SLC26A3: variants seen among roughly 807,000 people sequenced by gnomAD.
The protein encoded by SLC26A3 is chloride anion exchanger.
SLC26A3 carries 64 observed loss-of-function variants against 85.6 expected under a neutral mutation model. The observed-to-expected ratio is 0.75, with a 90% CI of 0.61 to 0.92. The LOEUF is 0.92. Among genes scored for constraint, SLC26A3 ranks in the 40% least tolerant of loss-of-function variants. The pLI is 0.00. For missense variants in SLC26A3, 922 were observed against 927.3 expected (o/e 0.99, Z 0.07); for synonymous variants, 349 against 336.0 (o/e 1.04, Z -0.42).
intron 20 of SLC26A3, among the ~76,000 whole-genome samples, chr7:107,766,098 T>C (rs1584398263): frequency 6.6e-6 from 1 of 152,298 alleles, no homozygotes. Flanking sequence ...GTACAGTGTG[T>C]TGTAGCAATA....
chr7:107,772,336 C>A (rs1794041913), intron 17 of SLC26A3, among the ~76,000 whole-genome samples: 1 of 152,160 alleles, frequency 6.6e-6, no homozygotes, highest in African/African-American at 2.4e-5. Context: ...TAAAAATGAT[C>A]ATTCTTGAAG....
intron 14 of SLC26A3, 32 bp from the exon 15 acceptor site, chr7:107,776,576 C>A (rs774336741): frequency 1.5e-5 from 24 of 1,606,386 alleles, no homozygotes; most frequent in Non-Finnish European, 1.9e-5. Context: ...TTAGGTGTTG[C>A]CCATTAGATC....
At position 107,778,177 on chromosome 7, in the gene SLC26A3, T is replaced by C. The variant is rs199870537; in HGVS notation, c.1512A>G (p.Gln504=). The change falls in exon 13 of 21, where the codon CAA becomes CAG. Residue 504 remains glutamine, a splice_region_variant and synonymous_variant. Coordinates refer to ENST00000340010, the MANE Select transcript of SLC26A3 (RefSeq NM_000111.3). The stretch of plus-strand genomic sequence containing the variant: ...TGCAGAGCACTTTGAGCACTCACAA[T>C]TGGGTCCTGAACACGATGGTTAGCA... The part of the protein sequence containing the change: ...FQLLTIVFRT[Q]FPKCSTLANI... 3.1e-6 allele frequency: 5 copies of C among 1,610,068 alleles called. No homozygotes were observed. The highest frequency in any genetic ancestry group is 1.7e-5 in the Admixed American group (1 of 59,978).
intron 18 of SLC26A3, among the ~76,000 whole-genome samples, chr7:107,770,591 T>G (rs980190450): frequency 5.3e-5 from 8 of 152,162 alleles, no homozygotes; most frequent in Non-Finnish European, 8.8e-5. Flanking sequence ...TCTTAGCACT[T>G]ATCACTACCT....
At chr7:107,790,980 A>C in intron 5 of SLC26A3, 68 bp downstream of exon 5, 1 of 1,529,506 alleles carries the variant, frequency 6.5e-7, no homozygotes, top group Non-Finnish European at 8.9e-7. Flanking sequence ...GGGGAGGAAA[A>C]ATAGAGAGAT....
intron 1 of SLC26A3, among the ~76,000 whole-genome samples, chr7:107,802,052 A>T (rs1794608454): frequency 6.6e-6 from 1 of 150,618 alleles, no homozygotes; most frequent in East Asian, 1.9e-4. Flanking sequence ...AGATTGTGCC[A>T]CTGCACTCCA....
intron 3 of SLC26A3, among the ~76,000 whole-genome samples, chr7:107,792,488 C>G (rs546856395): frequency 6.6e-6 from 1 of 151,820 alleles, no homozygotes; most frequent in South Asian, 2.1e-4. Context: ...AGATCCCTTG[C>G]GTGCACAGTT....
chr7:107,772,814 G>T (rs955482424), intron 17 of SLC26A3, among the ~76,000 whole-genome samples: 4 of 151,988 alleles, frequency 2.6e-5, no homozygotes, highest in Non-Finnish European at 5.9e-5. Context: ...GTAATCAAAA[G>T]CTAAAATAAA....
intron 11 of SLC26A3, 147 bp from the exon 12 acceptor site, chr7:107,779,910 G>T (rs889666655): frequency 1.4e-6 from 1 of 707,902 alleles, no homozygotes; most frequent in South Asian, 1.5e-5. Flanking sequence ...GCGATGCCAC[G>T]CAAGACACAC....
chr7:107,769,982 T>C (rs2395889), intron 18 of SLC26A3, among the ~76,000 whole-genome samples: 28,724 of 145,144 alleles, frequency 0.2, 3,178 homozygotes, highest in East Asian at 0.34. Context: ...CCTCCCTCCC[T>C]TCCTTCCTTC....
intron 8 of SLC26A3, among the ~76,000 whole-genome samples, chr7:107,783,555 G>T (rs567116532): frequency 2.0e-5 from 3 of 152,322 alleles, no homozygotes; most frequent in Non-Finnish European, 4.4e-5. Context: ...TTTGGTAAAA[G>T]ACTGCAAATT....
At chr7:107,799,013 T>C (rs1584415564) in intron 1 of SLC26A3, among the ~76,000 whole-genome samples, 1 of 151,952 alleles carries the variant, frequency 6.6e-6, no homozygotes, top group South Asian at 2.1e-4. Flanking sequence ...GAATCAGAAA[T>C]CAAGCTCACA....
intron 6 of SLC26A3, among the ~76,000 whole-genome samples, chr7:107,788,790 T>TC (rs1794342922): frequency 6.9e-6 from 1 of 145,040 alleles, no homozygotes; most frequent in Admixed American, 6.9e-5. Context: ...TTTTCTTTTT[T>TC]TTTTTTTTTT....
At chr7:107,797,339 C>CA (rs1251506572) in intron 1 of SLC26A3, among the ~76,000 whole-genome samples, 1 of 152,070 alleles carries the variant, frequency 6.6e-6, no homozygotes, top group African/African-American at 2.4e-5. Flanking sequence ...ACTAAAAATA[C>CA]AAAAATTAGC....
chr7:107,793,944 G>A (rs554417705), intron 2 of SLC26A3, 63 bp from the exon 3 acceptor site: 63 of 1,606,744 alleles, frequency 3.9e-5, no homozygotes, highest in African/African-American at 3.1e-4. Context: ...AGTACCTGTC[G>A]GTGGGAAATT....
At position 107,789,702 on chromosome 7, in the gene SLC26A3, A is replaced by G. The variant is rs775432350; in HGVS notation, c.571-14T>C. ...CCCAAAAGCCAACTGGAAAGAGAAC[A>G]AAAGCCTTTGTCAGCATAGATTAGG... is the stretch of plus-strand genomic sequence containing the variant. On this transcript the variant is annotated splice_polypyrimidine_tract_variant and intron_variant, in intron 5 of 20. Coordinates refer to ENST00000340010, the MANE Select transcript of SLC26A3 (RefSeq NM_000111.3). 3.1e-6 allele frequency: 5 copies of G among 1,610,618 alleles called. No individual in the cohort carries two copies. In the Admixed American group the frequency reaches 5.0e-5, roughly 16 times the overall value.
intron 20 of SLC26A3, 29 bp downstream of exon 20, chr7:107,767,550 G>A (rs1279095554): frequency 2.6e-6 from 4 of 1,536,384 alleles, no homozygotes; most frequent in South Asian, 1.1e-5. Flanking sequence ...TGATGTCTAG[G>A]TGAAGATAAA....
At position 107,793,631 on chromosome 7, in the gene SLC26A3, A is replaced by G. The variant is rs1354978994; in HGVS notation, c.271+111T>C. 5.0e-6 allele frequency: 4 copies of G among 803,450 alleles called. No homozygotes were observed. The East Asian group carries it at 1.1e-4, about 22-fold the overall frequency. 49.8% of individuals were successfully genotyped at this position (803,450 alleles called of 1,614,324 possible). On this transcript the variant is annotated intron_variant, in intron 3 of 20. Transcript: ENST00000340010. ...GTGGTGGTGAAAATGTTCCAGAATT[A>G]GATAGTGGTGACAGATGCACAACCT...
chr7:107,774,711 A>G (rs1794081631), intron 16 of SLC26A3, 66 bp downstream of exon 16: 2 of 1,141,384 alleles, frequency 1.8e-6, no homozygotes, highest in South Asian at 2.5e-5. Context: ...GAATGGAACT[A>G]CACCTTGAAT....
Sources: gnomAD v4.1 joint callset for allele counts (sites outside exome capture counted in the v4.1 genomes callset) on GRCh38, gnomAD v4.1.1 for gene constraint, MANE v1.5 for transcripts, NCBI Gene and HGNC (gene_info 2026-07-23, HGNC 2026-07-21) for gene names.